Variants in ADCK1 observed in about 807,000 individuals in gnomAD.
The protein encoded by ADCK1 is aarF domain containing kinase 1.
In ADCK1, 41 loss-of-function variants were observed where a neutral mutation model predicts 52.3. The observed-to-expected ratio is 0.78, with a 90% CI of 0.61 to 1.02. The LOEUF is 1.02. ADCK1 is among the 50% of genes least tolerant of loss of function. The pLI is 0.00. For missense variants in ADCK1, 658 were observed against 679.5 expected (o/e 0.97, Z 0.35); for synonymous variants, 250 against 274.6 (o/e 0.91, Z 0.89).
At chr14:77,883,142 A>G (rs1004043913) in intron 4 of ADCK1, among the ~76,000 whole-genome samples, 1 of 152,158 alleles carries the variant, frequency 6.6e-6, no homozygotes, top group Admixed American at 6.5e-5. Flanking sequence ...GTAATTAAAA[A>G]GCACGTAACT....
intron 3 of ADCK1, among the ~76,000 whole-genome samples, chr14:77,826,852 T>G (rs144495167): frequency 6.6e-6 from 1 of 152,050 alleles, no homozygotes; most frequent in Non-Finnish European, 1.5e-5. Flanking sequence ...ATCAGCGGAG[T>G]CTATTCTGCC....
In ADCK1 at chr14:77,859,274, A is replaced by C. The variant is rs754708436; in HGVS notation, c.418A>C (p.Lys140Gln). ...IRQVIREDLG[K>Q]EIHDLFQSFD... ...CCAGGTCATCCGAGAAGATCTGGGC[A>C]AGGAGGTACCCACCTTTGCAGGGGG... Residue 140 changes from lysine to glutamine, a missense_variant, in exon 4 of 11, where the codon AAG becomes CAG. Coordinates refer to ENST00000238561, the MANE Select transcript of ADCK1 (RefSeq NM_020421.4). 6.2e-7 allele frequency: 1 copy of C among 1,613,240 alleles called. No homozygotes were observed. The highest frequency in any genetic ancestry group is 2.2e-5 in the East Asian group (1 of 44,852).
chr14:77,893,628 C>A (rs868277155), intron 5 of ADCK1, among the ~76,000 whole-genome samples: 7 of 152,110 alleles, frequency 4.6e-5, no homozygotes, highest in Non-Finnish European at 1.0e-4. Flanking sequence ...CTGGCCCATC[C>A]CAAGGGTCTC....
chr14:77,898,673 A>G (rs2083463828), intron 5 of ADCK1, among the ~76,000 whole-genome samples: 1 of 152,174 alleles, frequency 6.6e-6, no homozygotes, highest in African/African-American at 2.4e-5. Flanking sequence ...GAGCATTAGG[A>G]AAAAGAGCTA....
chr14:77,917,515 T>C (rs181603702), intron 7 of ADCK1, among the ~76,000 whole-genome samples: 11 of 152,350 alleles, frequency 7.2e-5, no homozygotes, highest in Non-Finnish European at 1.5e-4. Context: ...TTTTAGCCAA[T>C]TCAAGTTTTG....
intron 3 of ADCK1, among the ~76,000 whole-genome samples, chr14:77,828,803 A>AGT: frequency 6.6e-6 from 1 of 152,322 alleles, no homozygotes; most frequent in South Asian, 2.1e-4. Context: ...TTGGGATTAC[A>AGT]GGCGTGAGCC....
chr14:77,835,367 G>T (rs1489629061), intron 3 of ADCK1, among the ~76,000 whole-genome samples: 1 of 152,168 alleles, frequency 6.6e-6, no homozygotes, highest in East Asian at 1.9e-4. Context: ...CTTCTTTCCT[G>T]ACTCCAGCCT....
intron 4 of ADCK1, among the ~76,000 whole-genome samples, chr14:77,873,045 A>T (rs531402674): frequency 6.6e-6 from 1 of 152,200 alleles, no homozygotes; most frequent in South Asian, 2.1e-4. Context: ...GTTTTTGGTT[A>T]CATGGGTAAG....
chr14:77,896,985 T>C (rs2083424237), intron 5 of ADCK1, among the ~76,000 whole-genome samples: 1 of 152,154 alleles, frequency 6.6e-6, no homozygotes, highest in Admixed American at 6.5e-5. Context: ...TAGTCTGGCT[T>C]TAGATTGATT....
At chr14:77,866,224 G>A (rs2082657263) in intron 4 of ADCK1, among the ~76,000 whole-genome samples, 1 of 152,170 alleles carries the variant, frequency 6.6e-6, no homozygotes, top group East Asian at 1.9e-4. Context: ...ACACAATGGT[G>A]CGTATTTATC....
intron 3 of ADCK1, among the ~76,000 whole-genome samples, chr14:77,845,679 C>T (rs944178308): frequency 3.9e-5 from 6 of 152,116 alleles, no homozygotes; most frequent in African/African-American, 1.2e-4. Flanking sequence ...CCCACCTCGG[C>T]CTCTCAAAGT....
intron 7 of ADCK1, chr14:77,914,270 T>G: frequency 2.8e-6 from 1 of 353,362 alleles, no homozygotes; most frequent in Non-Finnish European, 4.0e-6. Flanking sequence ...CTCTCTATTC[T>G]TTTCTTGTTG....
rs923394463 is a variant in ADCK1 at position 77,929,670 on chromosome 14, A to T, written c.1207-1848A>T. Among the ~76,000 whole-genome samples the T allele has an allele frequency of 6.8e-5, 10 of 146,996 alleles. No homozygotes were observed. The East Asian group carries it at 2.0e-3, about 29-fold the overall frequency. On this transcript the variant is annotated intron_variant, in intron 9 of 10. Coordinates refer to ENST00000238561, the MANE Select transcript of ADCK1 (RefSeq NM_020421.4). ...GACCCCAAGGGATCAAGTGAACAAA[A>T]TTTTTTTTTTTTTTGAGACAGAGTC...
chr14:77,869,351 T>G (rs80053945), intron 4 of ADCK1, among the ~76,000 whole-genome samples: 4,835 of 152,206 alleles, frequency 0.032, 144 homozygotes, highest in South Asian at 0.11. Flanking sequence ...CTGCTGTTCC[T>G]TGGTTTGGAG....
intron 3 of ADCK1, among the ~76,000 whole-genome samples, chr14:77,844,264 C>G (rs111551557): frequency 3.2e-4 from 48 of 152,156 alleles, no homozygotes; most frequent in African/African-American, 1.1e-3. Context: ...TTGTATATTA[C>G]TAGAGACAGG....
chr14:77,891,530 A>C (rs749922997), intron 5 of ADCK1, among the ~76,000 whole-genome samples: 4 of 152,236 alleles, frequency 2.6e-5, no homozygotes, highest in Non-Finnish European at 5.9e-5. Flanking sequence ...CAGAGCAATA[A>C]TAGCAGTAAT....
At chr14:77,875,173 G>T (rs192711187) in intron 4 of ADCK1, among the ~76,000 whole-genome samples, 1 of 152,116 alleles carries the variant, frequency 6.6e-6, no homozygotes, top group Admixed American at 6.5e-5. Context: ...TAGGGAAGTG[G>T]AGAGGAGAGG....
intron 7 of ADCK1, among the ~76,000 whole-genome samples, chr14:77,910,662 G>A (rs554394752): frequency 2.2e-4 from 34 of 152,308 alleles, no homozygotes; most frequent in African/African-American, 6.7e-4. Flanking sequence ...GCCCAGAGCC[G>A]TAATGGTGTT....
In ADCK1 at chr14:77,833,345, C is replaced by T. The variant is rs562389054; in HGVS notation, c.219+10827C>T. On this transcript the variant is annotated intron_variant, in intron 3 of 10. Transcript: ENST00000238561. ...AGTTTTCAAGCACTGTGCGTCTAGACCCACTTTTGCTGCTTTTGTTTGTCA... is the reference window on the plus strand; with the variant it reads ...AGTTTTCAAGCACTGTGCGTCTAGATCCACTTTTGCTGCTTTTGTTTGTCA... Among the ~76,000 whole-genome samples the T allele has an allele frequency of 3.9e-5, 6 of 152,280 alleles. No individual in the cohort carries two copies. The South Asian group carries it at 1.2e-3, about 32-fold the overall frequency.
Sources: allele counts gnomAD v4.1 joint callset (sites outside exome capture counted in the v4.1 genomes callset), GRCh38; gene constraint gnomAD v4.1.1; transcripts MANE v1.5; gene names NCBI Gene and HGNC (gene_info 2026-07-23, HGNC 2026-07-21).